The following MYT1L variants were observed in gnomAD, a reference collection of about 807,000 sequenced individuals.
The protein encoded by MYT1L is myelin transcription factor 1-like protein.
In MYT1L, 12 loss-of-function variants were observed where a neutral mutation model predicts 126.7. That is an observed-to-expected ratio of 0.09 (90% CI 0.06 to 0.15). The LOEUF (loss-of-function observed/expected upper bound fraction) is 0.15. Among genes scored for constraint, MYT1L ranks in the 10% least tolerant of loss-of-function variants. MYT1L has a pLI of 1.00. For synonymous variants in MYT1L, 541 were observed against 604.2 expected (o/e 0.90, Z 1.53); for missense variants, 979 against 1,585.2 (o/e 0.62, Z 6.49).
chr2:2,139,989 T>C (rs559053197), intron 3 of MYT1L, among the ~76,000 whole-genome samples: 1 of 152,360 alleles, frequency 6.6e-6, no homozygotes, highest in South Asian at 2.1e-4. Flanking sequence ...TTAAAAATTA[T>C]AAAGCACAAC....
At chr2:2,117,483 T>C (rs998682924) in intron 3 of MYT1L, among the ~76,000 whole-genome samples, 15 of 152,052 alleles carry the variant, frequency 9.9e-5, no homozygotes, top group African/African-American at 2.9e-4. Context: ...GGGTCTATGA[T>C]GGAAGACGTG....
intron 2 of MYT1L, among the ~76,000 whole-genome samples, chr2:2,216,694 A>C (rs1208083491): frequency 6.6e-6 from 1 of 152,210 alleles, no homozygotes; most frequent in Non-Finnish European, 1.5e-5. Context: ...TAAAAAACAG[A>C]AAACAATAGA....
chr2:2,110,044 G>A (rs907938854), intron 3 of MYT1L, among the ~76,000 whole-genome samples: 23 of 151,514 alleles, frequency 1.5e-4, no homozygotes, highest in African/African-American at 5.3e-4. Flanking sequence ...AGTGACGCAG[G>A]GAGTACTGTG....
At position 1,811,911 on chromosome 2, in the gene MYT1L, A is replaced by G. The variant is rs1373857436; in HGVS notation, c.3081-2744T>C. 1.3e-5 allele frequency among the ~76,000 whole-genome samples: 2 copies of G among 152,106 alleles called. No homozygotes were observed. The highest frequency in any genetic ancestry group is 4.8e-5 in the African/African-American group (2 of 41,428). ...AAATCCGGCTGGGGTGGGGGCTGAC[A>G]CTTCTGCTTCCCTAGCTTATCCGTA... On this transcript the variant is annotated intron_variant, in intron 21 of 24. Transcript: ENST00000647738. The surrounding 1 kb of genome is among the most constrained non-coding windows in gnomAD (Gnocchi z 4.4).
At chr2:2,220,804 G>T (rs766375612) in intron 2 of MYT1L, among the ~76,000 whole-genome samples, 31 of 152,080 alleles carry the variant, frequency 2.0e-4, no homozygotes, top group Non-Finnish European at 1.3e-4. Context: ...TTTATGGTTT[G>T]TAGGACATGA....
At chr2:2,144,746 C>T (rs77731979) in intron 3 of MYT1L, among the ~76,000 whole-genome samples, 7,047 of 152,198 alleles carry the variant, frequency 0.046, 248 homozygotes, top group African/African-American at 0.09. Flanking sequence ...GGAGCTAGAA[C>T]GTTTACAATG....
intron 5 of MYT1L, among the ~76,000 whole-genome samples, chr2:1,987,176 G>A (rs2061097151): frequency 6.6e-6 from 1 of 152,124 alleles, no homozygotes; most frequent in South Asian, 2.1e-4. Flanking sequence ...TTTAGGGCTG[G>A]GGGGTACCCG....
At chr2:2,091,659 G>A (rs896122056) in intron 3 of MYT1L, among the ~76,000 whole-genome samples, 3 of 152,130 alleles carry the variant, frequency 2.0e-5, no homozygotes, top group African/African-American at 4.8e-5. Flanking sequence ...GGCCCTAGAT[G>A]GCTTATATTC....
intron 18 of MYT1L, 31 bp from the exon 19 acceptor site, chr2:1,851,734 TG>T: frequency 6.2e-7 from 1 of 1,601,030 alleles, no homozygotes; most frequent in African/African-American, 1.3e-5. Context: ...TGTGTTAAAA[TG>T]GAAAGAAATA....
chr2:2,150,448 GA>G (rs2085570821), intron 3 of MYT1L, among the ~76,000 whole-genome samples: 1 of 152,016 alleles, frequency 6.6e-6, no homozygotes, highest in African/African-American at 2.4e-5. Context: ...TACATAACTT[GA>G]AAAAAATAAG....
At chr2:2,069,828 A>G (rs1392871899) in intron 3 of MYT1L, among the ~76,000 whole-genome samples, 1 of 151,672 alleles carries the variant, frequency 6.6e-6, no homozygotes, top group Non-Finnish European at 1.5e-5. Context: ...ACCAGTGATG[A>G]TGAGCTTTTT....
At chr2:2,004,470 C>A (rs562061771) in intron 4 of MYT1L, among the ~76,000 whole-genome samples, 6 of 148,954 alleles carry the variant, frequency 4.0e-5, no homozygotes, top group East Asian at 4.1e-4. Context: ...TGAATATGTT[C>A]TTTCCTGCTT....
At chr2:2,027,801 C>A (rs922655723) in intron 4 of MYT1L, among the ~76,000 whole-genome samples, 5 of 137,008 alleles carry the variant, frequency 3.6e-5, no homozygotes, top group African/African-American at 5.9e-5. Context: ...GAAGGTCAGA[C>A]CAGCCTGGCT....
At chr2:2,287,094 TA>T (rs1483195413) in intron 1 of MYT1L, among the ~76,000 whole-genome samples, 2 of 152,176 alleles carry the variant, frequency 1.3e-5, no homozygotes, top group Admixed American at 1.3e-4. Flanking sequence ...CGGTCTCTAC[TA>T]AAAATAGAAA....
chr2:2,098,636 G>A (rs1390910680), intron 3 of MYT1L, among the ~76,000 whole-genome samples: 1 of 152,148 alleles, frequency 6.6e-6, no homozygotes, highest in African/African-American at 2.4e-5. Flanking sequence ...ACAGGGCAGG[G>A]GGCAGCTCCA....
intron 2 of MYT1L, among the ~76,000 whole-genome samples, chr2:2,252,222 C>G (rs2094673419): frequency 6.6e-6 from 1 of 152,168 alleles, no homozygotes; most frequent in Non-Finnish European, 1.5e-5. Flanking sequence ...GCTCCTCTCT[C>G]CTGTCCTGCC....
chr2:1,880,581 A>T (rs1340367305), intron 18 of MYT1L, among the ~76,000 whole-genome samples: 2 of 152,234 alleles, frequency 1.3e-5, no homozygotes, highest in Non-Finnish European at 2.9e-5. Flanking sequence ...ATGAAATATA[A>T]ATGAAAAATG....
At chr2:2,287,940 G>A (rs948146992) in intron 1 of MYT1L, among the ~76,000 whole-genome samples, 6 of 152,096 alleles carry the variant, frequency 3.9e-5, no homozygotes, top group African/African-American at 1.4e-4. Context: ...TAAACACAAG[G>A]CCTTACATTA....
At chr2:2,237,747 C>G (rs1388575544) in intron 2 of MYT1L, among the ~76,000 whole-genome samples, 5 of 152,140 alleles carry the variant, frequency 3.3e-5, no homozygotes, top group African/African-American at 7.2e-5. Context: ...GGGGGCCAGG[C>G]AGCTTAAGTC....
Sources: allele counts gnomAD v4.1 joint callset (sites outside exome capture counted in the v4.1 genomes callset), GRCh38; gene constraint gnomAD v4.1.1; non-coding constraint Gnocchi (gnomAD v3.1); transcripts MANE v1.5; gene names NCBI Gene and HGNC (gene_info 2026-07-23, HGNC 2026-07-21).